The following EGFLAM variants were observed in gnomAD, a reference collection of about 807,000 sequenced individuals.
EGFLAM encodes the protein EGF like, fibronectin type III and laminin G domains.
A neutral mutation model predicts 113.1 loss-of-function variants in EGFLAM; 79 were observed. The ratio of observed to expected loss-of-function variants is 0.70; its 90% CI spans 0.58 to 0.84. The LOEUF (loss-of-function observed/expected upper bound fraction) is 0.84. Ranked by LOEUF, EGFLAM falls within the 40% of genes least tolerant of loss-of-function variation. EGFLAM has a pLI of 0.00. For synonymous variants in EGFLAM, 504 were observed against 487.6 expected, an observed-to-expected ratio of 1.03 and a Z score of -0.44; for missense variants, 1,265 against 1,291.6, an observed-to-expected ratio of 0.98 and a Z score of 0.32.
chr5:38,262,027 A>G (rs1223764990), intron 1 of EGFLAM, among the ~76,000 whole-genome samples: 1 of 152,166 alleles, frequency 6.6e-6, no homozygotes, highest in East Asian at 1.9e-4. Context: ...TTTTCAGACT[A>G]CAAATTAGAA....
At chr5:38,343,086 T>C (rs1739378540) in intron 3 of EGFLAM, among the ~76,000 whole-genome samples, 1 of 152,122 alleles carries the variant, frequency 6.6e-6, no homozygotes, top group South Asian at 2.1e-4. Flanking sequence ...ACTGATCTTT[T>C]CTGAATTTCT....
Position 38,448,343 on chromosome 5 carries a change from G to A in EGFLAM, c.2507G>A (p.Ser836Asn). 6.2e-7 allele frequency: 1 copy of A among 1,614,172 alleles called. No homozygotes were observed. Among genetic ancestry groups the A allele is most frequent in the South Asian group, 1.1e-5 (1 of 91,082 alleles). Residue 836 changes from serine (S) to asparagine (N), a missense_variant, in exon 18 of 22, where the codon AGT (serine) becomes AAT (asparagine). Coordinates refer to ENST00000322350, the MANE Select transcript of EGFLAM (RefSeq NM_152403.4). The part of the protein sequence containing the change: ...AIEIPQFIGR[S>N]YLTYDNPDIL... Reference sequence around the variant, plus strand: ...GAGATCCCGCAGTTTATCGGCCGCAGTTACCTGACGTATGACAACCCAGAT... The same window carrying A: ...GAGATCCCGCAGTTTATCGGCCGCAATTACCTGACGTATGACAACCCAGAT...
intron 6 of EGFLAM, among the ~76,000 whole-genome samples, chr5:38,371,470 A>C (rs1203065233): frequency 6.6e-6 from 1 of 152,160 alleles, no homozygotes; most frequent in Non-Finnish European, 1.5e-5. Context: ...TCAGGGGTAG[A>C]GATTCAGGAG....
chr5:38,262,103 T>C (rs1319306875), intron 1 of EGFLAM, among the ~76,000 whole-genome samples: 2 of 152,332 alleles, frequency 1.3e-5, no homozygotes, highest in East Asian at 3.9e-4. Flanking sequence ...CTCAGTAACT[T>C]GCCCCAGTTA....
At chr5:38,418,375 C>T in intron 12 of EGFLAM, 120 bp downstream of exon 12, 1 of 1,272,160 alleles carries the variant, frequency 7.9e-7, no homozygotes, top group Non-Finnish European at 1.1e-6. Flanking sequence ...GAAGCTGGTA[C>T]CTTCAGAACA....
intron 4 of EGFLAM, among the ~76,000 whole-genome samples, chr5:38,351,641 T>A (rs1579808149): frequency 1.3e-5 from 2 of 152,218 alleles, no homozygotes; most frequent in East Asian, 3.9e-4. Context: ...AGCGGTCACT[T>A]GAAGTGATGG....
intron 20 of EGFLAM, 68 bp downstream of exon 20, chr5:38,458,462 C>A: frequency 1.3e-6 from 2 of 1,499,356 alleles, no homozygotes; most frequent in South Asian, 1.2e-5. Flanking sequence ...GTCCAGTTCC[C>A]TTGTAGTCCC....
intron 1 of EGFLAM, among the ~76,000 whole-genome samples, chr5:38,275,885 G>A (rs921572444): frequency 8.5e-5 from 13 of 152,244 alleles, no homozygotes; most frequent in Admixed American, 7.8e-4. Flanking sequence ...GACCACAATG[G>A]CATAAAACTA....
intron 4 of EGFLAM, among the ~76,000 whole-genome samples, chr5:38,351,918 T>A (rs1739635781): frequency 6.6e-6 from 1 of 152,128 alleles, no homozygotes. Flanking sequence ...CATAATTAAT[T>A]GGATTTGCAG....
intron 19 of EGFLAM, among the ~76,000 whole-genome samples, chr5:38,455,356 T>C (rs1347292651): frequency 6.6e-6 from 1 of 152,124 alleles, no homozygotes; most frequent in Non-Finnish European, 1.5e-5. Flanking sequence ...AAGACGTGGG[T>C]AGAGAAGTTA....
chr5:38,274,396 A>C (rs1179361773), intron 1 of EGFLAM, among the ~76,000 whole-genome samples: 3 of 152,190 alleles, frequency 2.0e-5, no homozygotes, highest in African/African-American at 7.2e-5. Flanking sequence ...CTGTCTCAGG[A>C]CATATTATAA....
intron 6 of EGFLAM, among the ~76,000 whole-genome samples, chr5:38,384,437 C>T (rs1468328666): frequency 2.6e-5 from 4 of 152,172 alleles, no homozygotes; most frequent in African/African-American, 9.7e-5. Flanking sequence ...GTTGGTTCCT[C>T]TTGAGAGCAG....
At chr5:38,333,633 T>C (rs1739107193) in intron 1 of EGFLAM, among the ~76,000 whole-genome samples, 1 of 152,182 alleles carries the variant, frequency 6.6e-6, no homozygotes, top group African/African-American at 2.4e-5. Context: ...CTTTGCCCAC[T>C]TTTTAATAGG....
At chr5:38,333,438 T>C (rs185585289) in intron 1 of EGFLAM, among the ~76,000 whole-genome samples, 9 of 152,370 alleles carry the variant, frequency 5.9e-5, no homozygotes, top group African/African-American at 2.2e-4. Context: ...AGAGTTCCCT[T>C]TTCTCCACAA....
intron 14 of EGFLAM, 126 bp downstream of exon 14, chr5:38,427,378 A>C: frequency 1.4e-6 from 2 of 1,479,882 alleles, no homozygotes; most frequent in Non-Finnish European, 1.8e-6. Context: ...TTATCTTCTG[A>C]AACTTGTCCT....
intron 1 of EGFLAM, among the ~76,000 whole-genome samples, chr5:38,296,754 T>C (rs1485029090): frequency 6.6e-6 from 1 of 151,952 alleles, no homozygotes; most frequent in African/African-American, 2.4e-5. Flanking sequence ...TAATTATATA[T>C]GTAAATATAA....
chr5:38,264,903 T>G (rs1412424827), intron 1 of EGFLAM, among the ~76,000 whole-genome samples: 4 of 152,238 alleles, frequency 2.6e-5, no homozygotes, highest in African/African-American at 9.6e-5. Context: ...CCTCTGATTC[T>G]TCACTCCATC....
intron 6 of EGFLAM, among the ~76,000 whole-genome samples, chr5:38,372,068 C>A (rs1740236938): frequency 6.6e-6 from 1 of 152,012 alleles, no homozygotes; most frequent in African/African-American, 2.4e-5. Context: ...ATAACAAGCA[C>A]ATGCTGATTT....
chr5:38,342,019 C>T (rs558810955), intron 3 of EGFLAM, among the ~76,000 whole-genome samples: 77 of 152,146 alleles, frequency 5.1e-4, no homozygotes, highest in African/African-American at 1.6e-3. Flanking sequence ...AAAGTTAAAC[C>T]CCTGTCCCAA....
Sources: gnomAD v4.1 joint callset for allele counts (sites outside exome capture counted in the v4.1 genomes callset) on GRCh38, gnomAD v4.1.1 for gene constraint, MANE v1.5 for transcripts, NCBI Gene and HGNC (gene_info 2026-07-23, HGNC 2026-07-21) for gene names.